KCNQ1: variants seen among roughly 807,000 people sequenced by gnomAD.
KCNQ1 encodes potassium voltage-gated channel subfamily KQT member 1.
In KCNQ1, 49 loss-of-function variants were observed where a neutral mutation model predicts 72.4. That is an observed-to-expected ratio of 0.68 (90% CI 0.54 to 0.86). KCNQ1 has a LOEUF of 0.86. Ranked by LOEUF, KCNQ1 falls within the 40% of genes least tolerant of loss-of-function variation. The probability of loss-of-function intolerance (pLI) is 0.00; values close to 1 mark genes in which losing one functional copy is unlikely to be tolerated. For missense variants in KCNQ1, 790 were observed against 945.1 expected (o/e 0.84, Z 2.15); for synonymous variants, 450 against 412.6 (o/e 1.09, Z -1.10).
In KCNQ1 at chr11:2,464,038, C is replaced by G. The variant is rs1006077931; in HGVS notation, c.386+18554C>G. On this transcript the variant is annotated intron_variant, in intron 1 of 15. Transcript: ENST00000155840. The surrounding 1 kb of genome is among the most constrained non-coding windows in gnomAD (Gnocchi z 5.0). ...GCAGAGCAGGACTGTGGAAAATGGACACTGATGCTGCCCGGTGGATCCAGG... is the reference window on the plus strand; with the variant it reads ...GCAGAGCAGGACTGTGGAAAATGGAGACTGATGCTGCCCGGTGGATCCAGG... Among the ~76,000 whole-genome samples the G allele has an allele frequency of 6.6e-6, 1 of 152,208 alleles. No homozygotes were observed. The highest frequency in any genetic ancestry group is 1.5e-5 in the Non-Finnish European group (1 of 68,040).
chr11:2,714,605 G>A (rs1258343738), intron 11 of KCNQ1, among the ~76,000 whole-genome samples: 1 of 152,198 alleles, frequency 6.6e-6, no homozygotes, highest in East Asian at 1.9e-4. Flanking sequence ...GGCGAGGCCA[G>A]GCTTCACAGA....
At chr11:2,586,799 A>G (rs1189917708) in intron 8 of KCNQ1, among the ~76,000 whole-genome samples, 6 of 151,932 alleles carry the variant, frequency 3.9e-5, no homozygotes, top group Admixed American at 3.9e-4. Context: ...AGTGTGGGGG[A>G]ACATTCTCCA....
chr11:2,517,935 TGTG>T (rs1192474090), intron 1 of KCNQ1, among the ~76,000 whole-genome samples: 5 of 152,212 alleles, frequency 3.3e-5, no homozygotes, highest in Non-Finnish European at 5.9e-5. Flanking sequence ...AGGCTGAGCC[TGTG>T]GTGTGCGGTG....
intron 13 of KCNQ1, among the ~76,000 whole-genome samples, chr11:2,776,576 G>T (rs1221821408): frequency 6.6e-6 from 1 of 152,198 alleles, no homozygotes; most frequent in Non-Finnish European, 1.5e-5. Context: ...ATCCTCCCGG[G>T]CCTGCACAGA....
Position 2,659,045 on chromosome 11 carries a change from C to T in KCNQ1, c.1394-2916C>T, listed in dbSNP as rs1057285552. ...TCCTCCTTTCCTTTCACTGCTATGTCATTTGTTTGTAACACGCTCATCATA... is the reference window on the plus strand; with the variant it reads ...TCCTCCTTTCCTTTCACTGCTATGTTATTTGTTTGTAACACGCTCATCATA... On this transcript the variant is annotated intron_variant, in intron 10 of 15. Coordinates refer to ENST00000155840, the MANE Select transcript of KCNQ1 (RefSeq NM_000218.3). The surrounding 1 kb of genome is among the most constrained non-coding windows in gnomAD (Gnocchi z 4.3). 2.5e-6 allele frequency: 1 copy of T among 398,458 alleles called. No individual in the cohort carries two copies. The highest frequency in any genetic ancestry group is 2.1e-5 in the African/African-American group (1 of 48,606). The allele number at this position is 398,458 out of a possible 1,614,324, so 24.7% of individuals were successfully genotyped here. A position where few individuals can be genotyped will look rare whatever the true frequency, so the allele number is the denominator to read the frequency against.
Position 2,510,057 on chromosome 11 carries a change from C to T in KCNQ1, c.387-17871C>T, listed in dbSNP as rs141172206. 3.7e-3 allele frequency among the ~76,000 whole-genome samples: 569 copies of T among 152,060 alleles called. 4 individuals carry two copies. The highest frequency in any genetic ancestry group is 0.014 in the African/African-American group (560 of 41,480). On this transcript the variant is annotated intron_variant, in intron 1 of 15. Transcript: ENST00000155840. ...GGCCAAAGTGGGAGGATTGCTTGAGCCTAGGAGTTCGAGACCAGCCTGGGC... is the reference window on the plus strand; with the variant it reads ...GGCCAAAGTGGGAGGATTGCTTGAGTCTAGGAGTTCGAGACCAGCCTGGGC...
chr11:2,699,957 C>T (rs886696905), intron 11 of KCNQ1: 2 of 398,282 alleles, frequency 5.0e-6, no homozygotes, highest in Non-Finnish European at 8.9e-6. Context: ...TGAGGAGCTC[C>T]CTGGAGGTCC....
chr11:2,831,993 G>C (rs972459004), intron 15 of KCNQ1, among the ~76,000 whole-genome samples: 10 of 152,102 alleles, frequency 6.6e-5, no homozygotes, highest in South Asian at 2.1e-4. Flanking sequence ...TCTGCTCCAG[G>C]GGGGTGGCCT....
chr11:2,715,338 C>T lies in KCNQ1; in HGVS notation c.1514+53257C>T, dbSNP rs750373148. Among the ~76,000 whole-genome samples, 11 of 152,048 alleles carry T rather than the reference C, an allele frequency of 7.2e-5. No homozygotes were observed. Among genetic ancestry groups the T allele is most frequent in the Admixed American group, 1.3e-4 (2 of 15,276 alleles). On this transcript the variant is annotated intron_variant, in intron 11 of 15. Transcript: ENST00000155840. The surrounding 1 kb of genome is among the most constrained non-coding windows in gnomAD (Gnocchi z 4.9). Reference sequence around the variant, plus strand: ...CGGGCTGTGTCATGGAGGGCCCTTACCCCGGAGGAGCCAGGAAGGTGGACA... The same window carrying T: ...CGGGCTGTGTCATGGAGGGCCCTTATCCCGGAGGAGCCAGGAAGGTGGACA...
intron 11 of KCNQ1, among the ~76,000 whole-genome samples, chr11:2,701,919 G>A (rs148105931): frequency 4.6e-5 from 7 of 152,348 alleles, no homozygotes; most frequent in Admixed American, 1.3e-4. Flanking sequence ...GCCTCTTGGA[G>A]CCATTGAGAT....
rs1182557757 is a variant in KCNQ1, at chr11:2,608,222, TTCAC to T, written c.1393+19372_1393+19375del. ...TGATATTCTTTAGATATTTGTTAGA[TTCAC>T]TCATCTGGCCCTCTTGGGCTTTTCT... is the stretch of plus-strand genomic sequence containing the variant. On this transcript the variant is annotated intron_variant, in intron 10 of 15. Transcript: ENST00000155840. This position sits in a 1 kb window ranked among gnomAD's most constrained non-coding sequence, Gnocchi z 4.6. 6 of 395,030 alleles carry T rather than the reference TTCAC, an allele frequency of 1.5e-5. No individual in the cohort carries two copies. The highest frequency in any genetic ancestry group is 2.7e-5 in the Non-Finnish European group (6 of 224,440). 24.5% of individuals were successfully genotyped at this position (395,030 alleles called of 1,614,324 possible). A position where few individuals can be genotyped will look rare whatever the true frequency, so the allele number is the denominator to read the frequency against.
rs889366163 is a variant in KCNQ1 at position 2,803,344 on chromosome 11, G to A, written c.1794+25307G>A. Among the ~76,000 whole-genome samples, 1 of 152,212 alleles carries A rather than the reference G, an allele frequency of 6.6e-6. No homozygotes were observed. Among genetic ancestry groups the A allele is most frequent in the African/African-American group, 2.4e-5 (1 of 41,462 alleles). On this transcript the variant is annotated intron_variant, in intron 15 of 15. Transcript: ENST00000155840. This position sits in a 1 kb window ranked among gnomAD's most constrained non-coding sequence, Gnocchi z 6.4. ...GTCAGCCTGGACGGTGGCAGGACTC[G>A]GCGAGGTGGGGATGGGGCTTGGAGG...
At chr11:2,591,194 C>T (rs969659528) in intron 10 of KCNQ1, among the ~76,000 whole-genome samples, 2 of 152,262 alleles carry the variant, frequency 1.3e-5, no homozygotes, top group Non-Finnish European at 2.9e-5. Context: ...CAGCCCAGCC[C>T]GCCAAGCTCC....
rs1850657155 is a variant in KCNQ1 at position 2,695,415 on chromosome 11, A to G, written c.1514+33334A>G. ...TTTTAATTTAAATACACAGTCATGT[A>G]CTGAGGCCCTCTTTCTGTTTGGCAT... is the stretch of plus-strand genomic sequence containing the variant. On this transcript the variant is annotated intron_variant, in intron 11 of 15. Transcript: ENST00000155840. The surrounding 1 kb of genome is among the most constrained non-coding windows in gnomAD (Gnocchi z 5.2). 2.5e-6 allele frequency: 1 copy of G among 398,482 alleles called. No individual in the cohort carries two copies. The highest frequency in any genetic ancestry group is 2.1e-5 in the African/African-American group (1 of 48,596). 24.7% of individuals were successfully genotyped at this position (398,482 alleles called of 1,614,324 possible).
In KCNQ1 at chr11:2,687,958, G is replaced by C. The variant is rs561638885; in HGVS notation, c.1514+25877G>C. On this transcript the variant is annotated intron_variant, in intron 11 of 15. Transcript: ENST00000155840. This position sits in a 1 kb window ranked among gnomAD's most constrained non-coding sequence, Gnocchi z 5.0. Reference sequence around the variant, plus strand: ...TCTCCCACCCGCTGTGGGTCAGCCAGGCCGCTGCTTCCTGCTTCCCTTTGA... The same window carrying C: ...TCTCCCACCCGCTGTGGGTCAGCCACGCCGCTGCTTCCTGCTTCCCTTTGA... 1 of 398,806 alleles carries C rather than the reference G, an allele frequency of 2.5e-6. No homozygotes were observed. The highest frequency in any genetic ancestry group is 1.3e-4 in the South Asian group (1 of 7,860). The allele number at this position is 398,806 out of a possible 1,614,324, so 24.7% of individuals were successfully genotyped here. A position where few individuals can be genotyped will look rare whatever the true frequency, so the allele number is the denominator to read the frequency against.
At chr11:2,578,504 C>T (rs929577377) in intron 6 of KCNQ1, among the ~76,000 whole-genome samples, 1 of 152,222 alleles carries the variant, frequency 6.6e-6, no homozygotes, top group Non-Finnish European at 1.5e-5. Context: ...GGCCGAGGGC[C>T]CAGCTCTGCG....
At position 2,748,369 on chromosome 11, in the gene KCNQ1, G is replaced by C. The variant is rs1846171233; in HGVS notation, c.1515-20475G>C. Among the ~76,000 whole-genome samples the C allele has an allele frequency of 6.6e-6, 1 of 152,200 alleles. No individual in the cohort carries two copies. Among genetic ancestry groups the C allele is most frequent in the Non-Finnish European group, 1.5e-5 (1 of 68,022 alleles). On this transcript the variant is annotated intron_variant, in intron 11 of 15. Coordinates refer to ENST00000155840, the MANE Select transcript of KCNQ1 (RefSeq NM_000218.3). This position sits in a 1 kb window ranked among gnomAD's most constrained non-coding sequence, Gnocchi z 6.2. ...TGCCTGCCCCACCTGTCCCAGTAAG[G>C]GTGGTTGTGTGTGTTGGGTAGATGT...
chr11:2,578,086 G>T (rs1299327454), intron 6 of KCNQ1, among the ~76,000 whole-genome samples: 2 of 152,228 alleles, frequency 1.3e-5, no homozygotes, highest in East Asian at 1.9e-4. Flanking sequence ...TCTAGACTGG[G>T]TCTCTAAGTC....
rs1850507973 is a variant in KCNQ1 at position 2,687,353 on chromosome 11, G to C, written c.1514+25272G>C. On this transcript the variant is annotated intron_variant, in intron 11 of 15. Transcript: ENST00000155840. This position sits in a 1 kb window ranked among gnomAD's most constrained non-coding sequence, Gnocchi z 5.0. The stretch of plus-strand genomic sequence containing the variant: ...GTGAGCCAGAGGCTGAGGTAGCCAG[G>C]TCTGCCTTGGGCTGTCACTCAGGGC... The C allele has an allele frequency of 5.0e-6, 2 of 398,586 alleles. No individual in the cohort carries two copies. 24.7% of individuals were successfully genotyped at this position (398,586 alleles called of 1,614,324 possible).
Sources: allele counts gnomAD v4.1 joint callset (sites outside exome capture counted in the v4.1 genomes callset), GRCh38; gene constraint gnomAD v4.1.1; non-coding constraint Gnocchi (gnomAD v3.1); transcripts MANE v1.5; gene names NCBI Gene and HGNC (gene_info 2026-07-23, HGNC 2026-07-21).